Variants in ABAT observed in about 807,000 individuals in gnomAD.
ABAT encodes 4-aminobutyrate aminotransferase, mitochondrial.
In ABAT, 45 loss-of-function variants were observed where a neutral mutation model predicts 64.6. The observed-to-expected ratio is 0.70, with a 90% CI of 0.55 to 0.89. The LOEUF (loss-of-function observed/expected upper bound fraction) is 0.89. Among genes scored for constraint, ABAT ranks in the 40% least tolerant of loss-of-function variants. ABAT has a pLI of 0.00. For missense variants in ABAT, 633 were observed against 658.4 expected (o/e 0.96, Z 0.42); for synonymous variants, 297 against 250.5 (o/e 1.19, Z -1.75).
At chr16:8,739,306 A>T (rs1247747072) in intron 2 of ABAT, among the ~76,000 whole-genome samples, 1 of 152,226 alleles carries the variant, frequency 6.6e-6, no homozygotes, top group Non-Finnish European at 1.5e-5. Flanking sequence ...TACCTTCACC[A>T]CACATTAACC....
chr16:8,764,870 C>CA lies in ABAT; in HGVS notation c.540+40_540+41insA. On this transcript the variant is annotated intron_variant, in intron 8 of 15. Transcript: ENST00000268251. This position sits in a 1 kb window ranked among gnomAD's most constrained non-coding sequence, Gnocchi z 4.2. ...ACACACACACACACACACACAGGCTCCCCAGCACCCAGCCACACGCTCACC... is the reference window on the plus strand; with the variant it reads ...ACACACACACACACACACACAGGCTCACCCAGCACCCAGCCACACGCTCACC... 2.0e-6 allele frequency: 3 copies of CA among 1,505,570 alleles called. No individual in the cohort carries two copies. Among genetic ancestry groups the CA allele is most frequent in the Non-Finnish European group, 2.8e-6 (3 of 1,083,572 alleles). 93.3% of individuals were successfully genotyped at this position (1,505,570 alleles called of 1,614,324 possible).
At chr16:8,746,146 C>T (rs779988787) in intron 3 of ABAT, 48 bp downstream of exon 3, 23 of 1,482,812 alleles carry the variant, frequency 1.6e-5, no homozygotes, top group South Asian at 1.0e-4. Context: ...GGGAAAAAGG[C>T]GCCTAAGAAG....
chr16:8,721,398 C>T (rs548564363), intron 1 of ABAT, among the ~76,000 whole-genome samples: 1 of 152,152 alleles, frequency 6.6e-6, no homozygotes. Flanking sequence ...AGCCTCCGAG[C>T]CTCCAGAGCT....
intron 1 of ABAT, among the ~76,000 whole-genome samples, chr16:8,694,762 G>T (rs1032404984): frequency 6.6e-6 from 1 of 152,202 alleles, no homozygotes; most frequent in African/African-American, 2.4e-5. Flanking sequence ...AGTGGAGTGT[G>T]GAGTCAGTCA....
intron 1 of ABAT, among the ~76,000 whole-genome samples, chr16:8,685,733 C>A (rs4985113): frequency 0.49 from 74,299 of 151,802 alleles, 18,404 homozygotes; most frequent in East Asian, 0.77. Flanking sequence ...AAACAAAAAA[C>A]CAATGTTCAA....
At chr16:8,721,914 C>A (rs2058383673) in intron 1 of ABAT, among the ~76,000 whole-genome samples, 1 of 152,156 alleles carries the variant, frequency 6.6e-6, no homozygotes, top group African/African-American at 2.4e-5. Context: ...TCTGGCTAGA[C>A]CAGGGTTTTG....
intron 1 of ABAT, among the ~76,000 whole-genome samples, chr16:8,685,612 G>C (rs1338129731): frequency 6.6e-6 from 1 of 151,762 alleles, no homozygotes. Context: ...GGAGGCGGAG[G>C]TTGCAGTGAG....
At chr16:8,711,975 C>T (rs2058087924) in intron 1 of ABAT, among the ~76,000 whole-genome samples, 1 of 145,828 alleles carries the variant, frequency 6.9e-6, no homozygotes, top group Non-Finnish European at 1.5e-5. Context: ...TGCGGTGGCT[C>T]ATGCCTGTAA....
chr16:8,738,295 TG>T (rs1471272695), intron 2 of ABAT: 4 of 407,078 alleles, frequency 9.8e-6, no homozygotes, highest in Non-Finnish European at 1.9e-5. Context: ...CACTCCAGCC[TG>T]GGTGGCCTTG....
intron 5 of ABAT, among the ~76,000 whole-genome samples, chr16:8,752,989 T>C (rs2059535978): frequency 2.6e-5 from 4 of 152,066 alleles, no homozygotes; most frequent in Admixed American, 2.6e-4. Context: ...AGTTGACTGA[T>C]GGGCCCGAGT....
rs2058900847 is a variant in ABAT, at chr16:8,735,628, G to A, written c.-41-71G>A. 7 of 1,245,800 alleles carry A rather than the reference G, an allele frequency of 5.6e-6. No individual in the cohort carries two copies. The Admixed American group carries it at 1.2e-4, about 21-fold the overall frequency. The allele number at this position is 1,245,800 out of a possible 1,614,324, so 77.2% of individuals were successfully genotyped here. A position where few individuals can be genotyped will look rare whatever the true frequency, so the allele number is the denominator to read the frequency against. ...CTTTCTCTATTAGGTGGGAAGTGGTGGGGATGGGATCTTTGGCTGAGAGGG... is the reference window on the plus strand; with the variant it reads ...CTTTCTCTATTAGGTGGGAAGTGGTAGGGATGGGATCTTTGGCTGAGAGGG... On this transcript the variant is annotated intron_variant, in intron 1 of 15. Transcript: ENST00000268251.
At chr16:8,696,951 A>C (rs574469834) in intron 1 of ABAT, among the ~76,000 whole-genome samples, 6 of 152,142 alleles carry the variant, frequency 3.9e-5, no homozygotes, top group Admixed American at 3.9e-4. Flanking sequence ...GGAATTACCA[A>C]CTCTCAGCAT....
intron 1 of ABAT, among the ~76,000 whole-genome samples, chr16:8,707,735 CT>C (rs1187074236): frequency 6.6e-6 from 1 of 152,158 alleles, no homozygotes; most frequent in Non-Finnish European, 1.5e-5. Context: ...AATTAGGGAA[CT>C]TTTTTTAAAC....
chr16:8,731,940 G>C (rs945091229), intron 1 of ABAT, among the ~76,000 whole-genome samples: 2 of 152,090 alleles, frequency 1.3e-5, no homozygotes, highest in East Asian at 3.9e-4. Flanking sequence ...TGTAACCTCT[G>C]CCTCCCGAGT....
chr16:8,694,839 C>T (rs1190143560), intron 1 of ABAT, among the ~76,000 whole-genome samples: 1 of 152,210 alleles, frequency 6.6e-6, no homozygotes, highest in Non-Finnish European at 1.5e-5. Context: ...TGGGCTGTGT[C>T]CTGGCAGAGA....
intron 14 of ABAT, among the ~76,000 whole-genome samples, chr16:8,778,870 G>A (rs1032812966): frequency 2.6e-5 from 4 of 152,058 alleles, no homozygotes; most frequent in Non-Finnish European, 4.4e-5. Context: ...TTATTTCTGC[G>A]AAGACCTTAT....
rs183949278 is a variant in ABAT, at chr16:8,704,367, T to C, written c.-42+29656T>C. Among the ~76,000 whole-genome samples the C allele has an allele frequency of 3.3e-4, 50 of 152,380 alleles. No individual in the cohort carries two copies. In the East Asian group the frequency reaches 8.5e-3, roughly 26 times the overall value. On this transcript the variant is annotated intron_variant, in intron 1 of 15. Coordinates refer to ENST00000268251, the MANE Select transcript of ABAT (RefSeq NM_020686.6). Reference sequence around the variant, plus strand: ...TCCTATAATTAAATATCTGGACACATTGGGCTGCCATCCACTGAAGTTACT... The same window carrying C: ...TCCTATAATTAAATATCTGGACACACTGGGCTGCCATCCACTGAAGTTACT...
chr16:8,698,117 T>C (rs1300513792), intron 1 of ABAT, among the ~76,000 whole-genome samples: 3 of 152,218 alleles, frequency 2.0e-5, no homozygotes, highest in Non-Finnish European at 4.4e-5. Flanking sequence ...CTTACAGTTC[T>C]AGAGGCCAGA....
intron 2 of ABAT, among the ~76,000 whole-genome samples, chr16:8,742,759 A>C (rs570518550): frequency 1.4e-4 from 21 of 149,766 alleles, no homozygotes; most frequent in African/African-American, 5.1e-4. Context: ...CCAGCTACTC[A>C]GGGGGCTAAG....
Sources: gnomAD v4.1 joint callset for allele counts (sites outside exome capture counted in the v4.1 genomes callset) on GRCh38, gnomAD v4.1.1 for gene constraint, Gnocchi (gnomAD v3.1) non-coding constraint, MANE v1.5 for transcripts, NCBI Gene and HGNC (gene_info 2026-07-23, HGNC 2026-07-21) for gene names.